Variants in CLMN observed in about 807,000 individuals in gnomAD.
CLMN encodes the protein calmin.
A neutral mutation model predicts 92.7 loss-of-function variants in CLMN; 57 were observed. That is an observed-to-expected ratio of 0.61 (90% CI 0.50 to 0.77). CLMN has a LOEUF of 0.77. Among genes scored for constraint, CLMN ranks in the 30% least tolerant of loss-of-function variants. CLMN has a pLI of 0.00. For synonymous variants in CLMN, 466 were observed against 470.6 expected, an observed-to-expected ratio of 0.99 and a Z score of 0.13; for missense variants, 1,158 against 1,237.5, an observed-to-expected ratio of 0.94 and a Z score of 0.96.
intron 10 of CLMN, among the ~76,000 whole-genome samples, chr14:95,196,203 C>T (rs995057051): frequency 1.3e-5 from 2 of 152,132 alleles, no homozygotes; most frequent in East Asian, 1.9e-4. Context: ...TTCACCCCCA[C>T]GCCTACCTAT....
intron 1 of CLMN, among the ~76,000 whole-genome samples, chr14:95,243,719 ATTT>A (rs35698997): frequency 3.7e-4 from 51 of 139,436 alleles, no homozygotes; most frequent in Admixed American, 5.7e-4. Flanking sequence ...AATCTCCTCT[ATTT>A]TTTTTTTTTT....
chr14:95,317,085 GC>G (rs1401454378), intron 1 of CLMN, among the ~76,000 whole-genome samples: 1 of 152,166 alleles, frequency 6.6e-6, no homozygotes. Flanking sequence ...GAAGAACAAG[GC>G]CCCTGCTGGT....
intron 1 of CLMN, among the ~76,000 whole-genome samples, chr14:95,232,757 TC>T (rs1897929636): frequency 6.6e-6 from 1 of 152,212 alleles, no homozygotes; most frequent in Non-Finnish European, 1.5e-5. Context: ...AGAGTGTCTG[TC>T]CCAAGCTCTA....
intron 8 of CLMN, among the ~76,000 whole-genome samples, chr14:95,207,634 T>C (rs575412971): frequency 1.3e-4 from 20 of 152,324 alleles, no homozygotes; most frequent in African/African-American, 3.6e-4. Context: ...ACACATTCAA[T>C]AGATACACAT....
intron 4 of CLMN, among the ~76,000 whole-genome samples, chr14:95,217,289 C>G (rs941217412): frequency 9.2e-5 from 14 of 152,248 alleles, no homozygotes; most frequent in African/African-American, 2.9e-4. Flanking sequence ...TTTCCTCTCT[C>G]TCTTCCCTTC....
intron 1 of CLMN, among the ~76,000 whole-genome samples, chr14:95,262,486 C>A (rs952080075): frequency 3.3e-5 from 5 of 152,224 alleles, no homozygotes; most frequent in Non-Finnish European, 7.3e-5. Context: ...GTCAGGCAGG[C>A]ACTGTGCTTA....
At chr14:95,280,050 T>C (rs1244157918) in intron 1 of CLMN, among the ~76,000 whole-genome samples, 1 of 151,888 alleles carries the variant, frequency 6.6e-6, no homozygotes, top group African/African-American at 2.4e-5. Context: ...TTTGAGCAAG[T>C]TGTGGAAGGT....
At position 95,259,056 on chromosome 14, in the gene CLMN, GTGTT is replaced by G. The variant is rs757953447; in HGVS notation, c.83-28927_83-28924del. Among the ~76,000 whole-genome samples, 1 of 151,236 alleles carries G rather than the reference GTGTT, an allele frequency of 6.6e-6. No homozygotes were observed. The highest frequency in any genetic ancestry group is 1.5e-5 in the Non-Finnish European group (1 of 67,896). On this transcript the variant is annotated intron_variant, in intron 1 of 12. Transcript: ENST00000298912. This position sits in a 1 kb window ranked among gnomAD's most constrained non-coding sequence, Gnocchi z 4.3. Reference sequence around the variant, plus strand: ...TTGTGTGGTGTGGTGTGTGGAGAATGTGTTTGTATGTATGTGTGATATGTGTTGT... The same window carrying G: ...TTGTGTGGTGTGGTGTGTGGAGAATGTGTATGTATGTGTGATATGTGTTGT...
At chr14:95,230,725 C>T (rs1368553613) in intron 1 of CLMN, among the ~76,000 whole-genome samples, 1 of 152,244 alleles carries the variant, frequency 6.6e-6, no homozygotes, top group Non-Finnish European at 1.5e-5. Flanking sequence ...ACTCTCCAAG[C>T]TGCTCTAAGG....
Position 95,194,674 on chromosome 14 carries a change from G to A in CLMN, c.2709-78C>T. ...TCAGTTGTACGGTCACCCCCATCCTGGGGTTTCCACGTATGGGTTTAGGCA... is the reference window on the plus strand; with the variant it reads ...TCAGTTGTACGGTCACCCCCATCCTAGGGTTTCCACGTATGGGTTTAGGCA... On this transcript the variant is annotated intron_variant, in intron 10 of 12. Transcript: ENST00000298912. This position sits in a 1 kb window ranked among gnomAD's most constrained non-coding sequence, Gnocchi z 4.0. The A allele has an allele frequency of 7.1e-7, 1 of 1,404,286 alleles. No individual in the cohort carries two copies. The highest frequency in any genetic ancestry group is 1.0e-6 in the Non-Finnish European group (1 of 989,674). 87.0% of individuals were successfully genotyped at this position (1,404,286 alleles called of 1,614,324 possible).
At position 95,244,985 on chromosome 14, in the gene CLMN, G is replaced by GTA. The variant is rs534604524; in HGVS notation, c.83-14854_83-14853dup. Among the ~76,000 whole-genome samples, 6 of 96,262 alleles carry GTA rather than the reference G, an allele frequency of 6.2e-5. No homozygotes were observed. In the East Asian group the frequency reaches 2.0e-3, roughly 32 times the overall value. 63.2% of individuals were successfully genotyped at this position (96,262 alleles called of 152,430 possible). ...CTTTAGCATATATACACATATATGT[G>GTA]TATACACACACACACACACACACAC... On this transcript the variant is annotated intron_variant, in intron 1 of 12. Coordinates refer to ENST00000298912, the MANE Select transcript of CLMN (RefSeq NM_024734.4).
chr14:95,290,685 C>T (rs150448369), intron 1 of CLMN, among the ~76,000 whole-genome samples: 2 of 152,316 alleles, frequency 1.3e-5, no homozygotes, highest in East Asian at 1.9e-4. Flanking sequence ...GGTTTCTGAC[C>T]TCCAGAACTG....
intron 1 of CLMN, among the ~76,000 whole-genome samples, chr14:95,243,719 ATT>A (rs35698997): frequency 0.013 from 1,833 of 139,392 alleles, 14 homozygotes; most frequent in African/African-American, 0.024. Context: ...AATCTCCTCT[ATT>A]TTTTTTTTTT....
rs140258395 is a variant in CLMN, at chr14:95,219,628, C to T, written c.324+2063G>A. 6.2e-3 allele frequency among the ~76,000 whole-genome samples: 949 copies of T among 152,282 alleles called. 3 individuals are homozygous for T. Among genetic ancestry groups the T allele is most frequent in the Non-Finnish European group, 0.01 (683 of 68,014 alleles). ...TAGAAACGGAGGCTCAGGGAAGATG[C>T]CATTTGCCTACAGTTCCTGGGAGTG... On this transcript the variant is annotated intron_variant, in intron 4 of 12. Transcript: ENST00000298912.
chr14:95,214,925 G>A (rs574943933), intron 5 of CLMN, among the ~76,000 whole-genome samples: 5 of 152,072 alleles, frequency 3.3e-5, no homozygotes, highest in Non-Finnish European at 7.4e-5. Flanking sequence ...TTCCAAAAGC[G>A]GGTGGGCTCT....
chr14:95,312,336 A>G (rs561555029), intron 1 of CLMN, among the ~76,000 whole-genome samples: 1 of 152,356 alleles, frequency 6.6e-6, no homozygotes, highest in Non-Finnish European at 1.5e-5. Context: ...CCAGGCTTCA[A>G]GTGGGTAAGC....
At chr14:95,243,341 G>C (rs1329128483) in intron 1 of CLMN, among the ~76,000 whole-genome samples, 1 of 152,164 alleles carries the variant, frequency 6.6e-6, no homozygotes, top group Non-Finnish European at 1.5e-5. Flanking sequence ...GTGTGTGTTG[G>C]GGGTAGGTCT....
At chr14:95,299,468 A>C (rs1417853862) in intron 1 of CLMN, among the ~76,000 whole-genome samples, 1 of 152,156 alleles carries the variant, frequency 6.6e-6, no homozygotes, top group African/African-American at 2.4e-5. Context: ...CTAAGTGCCT[A>C]TGCTGCACCA....
At chr14:95,295,473 G>C (rs190613465) in intron 1 of CLMN, among the ~76,000 whole-genome samples, 1 of 152,338 alleles carries the variant, frequency 6.6e-6, no homozygotes, top group East Asian at 1.9e-4. Flanking sequence ...GGTGGCTGCT[G>C]CACAGGGGAT....
Sources: allele counts gnomAD v4.1 joint callset (sites outside exome capture counted in the v4.1 genomes callset), GRCh38; gene constraint gnomAD v4.1.1; non-coding constraint Gnocchi (gnomAD v3.1); transcripts MANE v1.5; gene names NCBI Gene and HGNC (gene_info 2026-07-23, HGNC 2026-07-21).